The following AKAP19 variants were observed in gnomAD, a reference collection of about 807,000 sequenced individuals.
AKAP19 encodes small A-kinase anchoring protein.
the AKAP19 span, among the ~76,000 whole-genome samples, chr2:190,039,584 C>T: frequency 6.6e-6 from 1 of 151,974 alleles, no homozygotes; most frequent in Non-Finnish European, 1.5e-5. Context: ...TAAACGTGTG[C>T]CACAGGGGGT....
At chr2:190,195,941 CTTTTTTTTTTT>C in the AKAP19 span, among the ~76,000 whole-genome samples, 2 of 86,210 alleles carry the variant, frequency 2.3e-5, no homozygotes, top group African/African-American at 8.3e-5. Context: ...CTGTGTCCAG[CTTTTTTTTTTT>C]TTTTTTTTTT....
At chr2:190,103,088 G>A in the AKAP19 span, among the ~76,000 whole-genome samples, 1 of 152,036 alleles carries the variant, frequency 6.6e-6, no homozygotes, top group South Asian at 2.1e-4. Context: ...AAAAACAAAA[G>A]CATTATGATT....
the AKAP19 span, among the ~76,000 whole-genome samples, chr2:190,152,506 G>T: frequency 6.6e-6 from 1 of 152,092 alleles, no homozygotes; most frequent in African/African-American, 2.4e-5. Flanking sequence ...CTTTTCATAA[G>T]CCAATCCTAC....
At chr2:189,902,962 A>T in the AKAP19 span, among the ~76,000 whole-genome samples, 5 of 152,006 alleles carry the variant, frequency 3.3e-5, no homozygotes, top group African/African-American at 7.2e-5. Context: ...AGGAAAAAAA[A>T]ACTGACTAGC....
At chr2:189,983,480 C>T in the AKAP19 span, among the ~76,000 whole-genome samples, 2 of 152,220 alleles carry the variant, frequency 1.3e-5, no homozygotes, top group African/African-American at 2.4e-5. Flanking sequence ...ACTTTCTCCA[C>T]GTGCATGCAT....
the AKAP19 span, among the ~76,000 whole-genome samples, chr2:190,177,485 C>T: frequency 3.6e-4 from 55 of 152,128 alleles, no homozygotes; most frequent in African/African-American, 1.1e-3. This position sits in a 1 kb window ranked among gnomAD's most constrained non-coding sequence, Gnocchi z 4.6. Context: ...TCCCAGGGCC[C>T]GGATCCTTCC....
the AKAP19 span, among the ~76,000 whole-genome samples, chr2:190,161,843 G>A: frequency 4.6e-5 from 7 of 152,124 alleles, no homozygotes; most frequent in Non-Finnish European, 8.8e-5. Flanking sequence ...GATGATATGA[G>A]TTTATTATCT....
At chr2:189,977,631 G>T in the AKAP19 span, among the ~76,000 whole-genome samples, 19 of 152,122 alleles carry the variant, frequency 1.2e-4, no homozygotes, top group Non-Finnish European at 2.5e-4. Context: ...TTTAATTTTG[G>T]TAGTCACATG....
At chr2:190,080,652 G>A in the AKAP19 span, among the ~76,000 whole-genome samples, 2 of 152,236 alleles carry the variant, frequency 1.3e-5, no homozygotes, top group East Asian at 3.8e-4. Flanking sequence ...CATTTATTGA[G>A]TACTTTGTAT....
the AKAP19 span, among the ~76,000 whole-genome samples, chr2:190,132,336 T>C: frequency 6.6e-6 from 1 of 152,160 alleles, no homozygotes; most frequent in Non-Finnish European, 1.5e-5. Context: ...GAATAGCGAA[T>C]GCAATCTTGA....
chr2:190,070,618 C>T, the AKAP19 span, among the ~76,000 whole-genome samples: 7 of 138,186 alleles, frequency 5.1e-5, no homozygotes, highest in East Asian at 1.5e-3. Flanking sequence ...TCTCTCTCCC[C>T]CCCCCCTTTT....
At chr2:189,998,771 C>CTTTTTTTTTTTTTTT in the AKAP19 span, among the ~76,000 whole-genome samples, 14 of 97,546 alleles carry the variant, frequency 1.4e-4, no homozygotes, top group African/African-American at 3.4e-4. Flanking sequence ...TTCTTTCTTT[C>CTTTTTTTTTTTTTTT]TTTTTTTTTT....
the AKAP19 span, among the ~76,000 whole-genome samples, chr2:190,032,566 C>T: frequency 1.3e-5 from 2 of 152,144 alleles, no homozygotes; most frequent in African/African-American, 2.4e-5. Flanking sequence ...CTTTTCACCC[C>T]TACTAATGTG....
chr2:189,977,450 C>T, the AKAP19 span, among the ~76,000 whole-genome samples: 4 of 152,240 alleles, frequency 2.6e-5, no homozygotes, highest in South Asian at 8.3e-4. Flanking sequence ...TCCAGGCATC[C>T]AGTAGGGTTT....
chr2:189,971,693 G>T, the AKAP19 span, among the ~76,000 whole-genome samples: 4 of 152,132 alleles, frequency 2.6e-5, no homozygotes, highest in African/African-American at 2.4e-5. Flanking sequence ...GTGTGAGATG[G>T]TATCTCATTG....
At chr2:189,987,262 T>C in the AKAP19 span, among the ~76,000 whole-genome samples, 2 of 152,226 alleles carry the variant, frequency 1.3e-5, no homozygotes, top group Non-Finnish European at 2.9e-5. Flanking sequence ...CCTCATTTTC[T>C]CTTGCTGCCG....
At chr2:189,946,536 C>G in the AKAP19 span, among the ~76,000 whole-genome samples, 1 of 152,080 alleles carries the variant, frequency 6.6e-6, no homozygotes, top group African/African-American at 2.4e-5. Context: ...AGCATTGGAA[C>G]ATTGTAGTAC....
the AKAP19 span, among the ~76,000 whole-genome samples, chr2:189,948,421 G>A: frequency 6.6e-6 from 1 of 151,630 alleles, no homozygotes; most frequent in Admixed American, 6.6e-5. Flanking sequence ...TTTTTCCTTA[G>A]TACAGTAACG....
the AKAP19 span, among the ~76,000 whole-genome samples, chr2:190,065,676 C>T: frequency 1.3e-5 from 2 of 152,146 alleles, no homozygotes; most frequent in Non-Finnish European, 2.9e-5. Flanking sequence ...AATGTTATGA[C>T]CAGAGGCTCA....
Sources: gnomAD v4.1 joint callset for allele counts (sites outside exome capture counted in the v4.1 genomes callset) on GRCh38, gnomAD v4.1.1 for gene constraint, Gnocchi (gnomAD v3.1) non-coding constraint, MANE v1.5 for transcripts, NCBI Gene and HGNC (gene_info 2026-07-23, HGNC 2026-07-21) for gene names.